CASK: variants seen among roughly 807,000 people sequenced by gnomAD.
CASK encodes the protein peripheral plasma membrane protein CASK.
In CASK, 4 loss-of-function variants were observed where a neutral mutation model predicts 82.9. The observed-to-expected ratio is 0.05, with a 90% confidence interval of 0.02 to 0.11. CASK has a LOEUF of 0.11. CASK is among the 10% of genes least tolerant of loss of function. The pLI is 1.00. For synonymous variants in CASK, 259 were observed against 253.5 expected, an observed-to-expected ratio of 1.02 and a Z score of -0.20; for missense variants, 358 against 720.9, an observed-to-expected ratio of 0.50 and a Z score of 5.76.
chrX:41,767,884 C>T (rs1484614304), intron 3 of CASK, among the ~76,000 whole-genome samples: 1 of 111,527 alleles, frequency 9.0e-6, no homozygotes, highest in Non-Finnish European at 1.9e-5. Flanking sequence ...TTAGTTCTCT[C>T]TACTGTAAAA....
Position 41,648,137 on chromosome X carries a change from G to A in CASK, c.832-11476C>T, listed in dbSNP as rs2066794544. ...ATGGAACGTCCCTGAGAAAGAGAAT[G>A]CGCACCTAGGAGTAAGTCTTTGAAC... On this transcript the variant is annotated intron_variant, in intron 8 of 26. Transcript: ENST00000378163. Among the ~76,000 whole-genome samples, 3 of 111,429 alleles carry A rather than the reference G, an allele frequency of 2.7e-5. No individual in the cohort carries two copies. In the Admixed American group the frequency reaches 2.9e-4, roughly 11 times the overall value.
intron 2 of CASK, among the ~76,000 whole-genome samples, chrX:41,808,928 C>T (rs1178275500): frequency 1.8e-5 from 2 of 112,816 alleles, no homozygotes; most frequent in African/African-American, 3.2e-5. Context: ...GCAAACAGCA[C>T]ACCAGGAGAT....
chrX:41,853,359 C>A (rs934801694), intron 1 of CASK, 132 bp from the exon 2 acceptor site: 7 of 379,461 alleles, frequency 1.8e-5, no homozygotes, highest in African/African-American at 1.0e-4. Context: ...AAATTGAACA[C>A]AGTTTTCAAA....
intron 1 of CASK, among the ~76,000 whole-genome samples, chrX:41,897,479 T>A (rs765006510): frequency 1.1e-4 from 12 of 111,733 alleles, no homozygotes; most frequent in African/African-American, 3.6e-4. Context: ...CCTTTTTTTC[T>A]CCCATTCATG....
chrX:41,776,125 AAGTATTGTGTG>A (rs1280305238), intron 3 of CASK, among the ~76,000 whole-genome samples: 2 of 112,554 alleles, frequency 1.8e-5, no homozygotes, highest in Non-Finnish European at 3.8e-5. Context: ...TATCATTATC[AAGTATTGTGTG>A]CTGTATATAA....
intron 2 of CASK, among the ~76,000 whole-genome samples, chrX:41,842,325 A>G (rs1446622762): frequency 9.0e-6 from 1 of 110,900 alleles, no homozygotes; most frequent in African/African-American, 3.3e-5. Context: ...TAATCTCAGC[A>G]CCCTGGGAGG....
At chrX:41,804,356 A>C (rs759875556) in intron 2 of CASK, among the ~76,000 whole-genome samples, 93 of 111,396 alleles carry the variant, frequency 8.3e-4, no homozygotes, top group Middle Eastern at 4.6e-3. Context: ...TTAAAAACAA[A>C]CAACCAACCA....
intron 5 of CASK, among the ~76,000 whole-genome samples, chrX:41,692,088 T>C (rs1287667132): frequency 3.6e-5 from 4 of 111,423 alleles, no homozygotes; most frequent in Non-Finnish European, 7.5e-5. Context: ...ACCTCTTTTG[T>C]GATACCTACC....
chrX:41,855,069 G>A (rs1326093707), intron 1 of CASK, among the ~76,000 whole-genome samples: 3 of 111,821 alleles, frequency 2.7e-5, no homozygotes, highest in African/African-American at 6.5e-5. Context: ...CTGTATGTGG[G>A]GTTGATTGTT....
chrX:41,700,875 CCCACTGAGATTGCA>C (rs2067780680), intron 5 of CASK, among the ~76,000 whole-genome samples: 1 of 92,743 alleles, frequency 1.1e-5, no homozygotes, highest in South Asian at 5.4e-4. Context: ...GCCACCATGC[CCCACTGAGATTGCA>C]CCACTGCACT....
chrX:41,625,507 A>G (rs1237846511), intron 10 of CASK, among the ~76,000 whole-genome samples: 1 of 110,128 alleles, frequency 9.1e-6, no homozygotes, highest in Non-Finnish European at 1.9e-5. Flanking sequence ...AATTTTTAAG[A>G]GGCGAGGTCT....
chrX:41,653,174 T>C (rs2066888871), intron 8 of CASK, among the ~76,000 whole-genome samples: 1 of 112,456 alleles, frequency 8.9e-6, no homozygotes, highest in African/African-American at 3.2e-5. Context: ...TCTGAGTTTT[T>C]CCACCTTCAG....
At chrX:41,763,956 C>A (rs141297787) in intron 3 of CASK, among the ~76,000 whole-genome samples, 40 of 111,960 alleles carry the variant, frequency 3.6e-4, no homozygotes, top group African/African-American at 1.2e-3. Flanking sequence ...ATAGGCCTTT[C>A]CATTTGTCCT....
chrX:41,858,764 C>T (rs1231558699), intron 1 of CASK, among the ~76,000 whole-genome samples: 1 of 111,030 alleles, frequency 9.0e-6, no homozygotes, highest in Admixed American at 9.6e-5. Context: ...TTTGTGTTTG[C>T]TACTCAGTTC....
intron 8 of CASK, chrX:41,660,084 C>T (rs961273951): frequency 3.9e-6 from 1 of 259,625 alleles, no homozygotes; most frequent in Non-Finnish European, 6.7e-6. Context: ...CTATAAAGCA[C>T]ACAGTCACAC....
chrX:41,890,601 C>T (rs2072147480), intron 1 of CASK, among the ~76,000 whole-genome samples: 1 of 111,880 alleles, frequency 8.9e-6, no homozygotes, highest in African/African-American at 3.3e-5. Context: ...ACTTTCTAAG[C>T]ATGGAAACAA....
chrX:41,908,286 G>A (rs1426469362), intron 1 of CASK, among the ~76,000 whole-genome samples: 2 of 112,222 alleles, frequency 1.8e-5, no homozygotes, highest in African/African-American at 6.5e-5. Context: ...GAAGCAGGGA[G>A]AATTGCTTGA....
intron 1 of CASK, among the ~76,000 whole-genome samples, chrX:41,876,359 T>A (rs1464731114): frequency 9.0e-6 from 1 of 111,603 alleles, no homozygotes; most frequent in Non-Finnish European, 1.9e-5. Context: ...ACTGGTTCAG[T>A]GAGAATCCGG....
At chrX:41,635,707 C>CTTTTTTTTTT in intron 9 of CASK, 1 of 76,724 alleles carries the variant, frequency 1.3e-5, no homozygotes, top group Non-Finnish European at 2.5e-5. Context: ...TCTTCTTCTT[C>CTTTTTTTTTT]TTTTTTTTTT....
Sources: allele counts gnomAD v4.1 joint callset (sites outside exome capture counted in the v4.1 genomes callset), GRCh38; gene constraint gnomAD v4.1.1; transcripts MANE v1.5; gene names NCBI Gene and HGNC (gene_info 2026-07-23, HGNC 2026-07-21).